ST18: variants seen among roughly 807,000 people sequenced by gnomAD.
ST18 encodes the protein ST18 C2H2C-type zinc finger transcription factor, also known as suppression of tumorigenicity 18 protein.
ST18 carries 50 observed loss-of-function variants against 110.0 expected under a neutral mutation model. The observed-to-expected ratio is 0.45, with a 90% confidence interval of 0.36 to 0.58. ST18 has a LOEUF of 0.58. ST18 is among the 20% of genes least tolerant of loss of function. ST18 has a pLI of 0.00. For missense variants in ST18, 1,306 were observed against 1,280.1 expected, an observed-to-expected ratio of 1.02 and a Z score of -0.31; for synonymous variants, 461 against 452.4, an observed-to-expected ratio of 1.02 and a Z score of -0.24.
rs958189661 is a variant in ST18, at chr8:52,175,984, G to A, written c.278-3401C>T. 3.9e-5 allele frequency among the ~76,000 whole-genome samples: 6 copies of A among 152,034 alleles called. No individual in the cohort carries two copies. The South Asian group carries it at 1.2e-3, about 32-fold the overall frequency. The stretch of plus-strand genomic sequence containing the variant: ...TTCTCAAGTTCGGATATTTTCAAGA[G>A]TGAATTTATATGAAGTTACTAGAAT... On this transcript the variant is annotated intron_variant, in intron 9 of 25. Transcript: ENST00000689386.
intron 8 of ST18, among the ~76,000 whole-genome samples, chr8:52,207,608 T>C (rs1488807403): frequency 1.3e-5 from 2 of 152,142 alleles, no homozygotes; most frequent in African/African-American, 4.8e-5. Context: ...TTATATAAAG[T>C]AAGAAATTAT....
chr8:52,270,217 T>G (rs528610150), intron 2 of ST18, among the ~76,000 whole-genome samples: 2 of 152,238 alleles, frequency 1.3e-5, no homozygotes, highest in Non-Finnish European at 2.9e-5. Context: ...TTAACTTCAC[T>G]TAACCTCATA....
At chr8:52,150,841 C>T (rs2058635108) in intron 15 of ST18, 1 of 152,136 alleles carries the variant, frequency 6.6e-6, no homozygotes, top group Non-Finnish European at 1.5e-5. Flanking sequence ...GGAACAGTAC[C>T]CCATTCTGTA....
In ST18 at chr8:52,122,853, G is replaced by T. The variant is rs140124531; in HGVS notation, c.2755+3199C>A. On this transcript the variant is annotated intron_variant, in intron 23 of 25. Transcript: ENST00000689386. ...TATTTTTTTTTATTTAGGGGAAAAT[G>T]AGTTAATGTAAATTTGGCTATTTAG... Among the ~76,000 whole-genome samples, 699 of 152,032 alleles carry T rather than the reference G, an allele frequency of 4.6e-3. 9 individuals carry two copies. Among genetic ancestry groups the T allele is most frequent in the African/African-American group, 0.016 (648 of 41,492 alleles).
At chr8:52,185,700 C>T (rs552422793) in intron 8 of ST18, among the ~76,000 whole-genome samples, 17 of 152,122 alleles carry the variant, frequency 1.1e-4, no homozygotes, top group South Asian at 8.3e-4. Flanking sequence ...GTGAACAGTG[C>T]TCGATTAATT....
intron 10 of ST18, among the ~76,000 whole-genome samples, chr8:52,168,660 A>T (rs1303351482): frequency 6.6e-6 from 1 of 152,204 alleles, no homozygotes. Flanking sequence ...GGCTGCGGCC[A>T]GCAGCAGGCA....
chr8:52,383,694 G>C (rs910176288), intron 2 of ST18, among the ~76,000 whole-genome samples: 1 of 152,098 alleles, frequency 6.6e-6, no homozygotes, highest in Admixed American at 6.6e-5. Context: ...TGATCCACCC[G>C]CCTTGGCTTC....
intron 2 of ST18, among the ~76,000 whole-genome samples, chr8:52,376,900 T>C (rs1276447359): frequency 1.3e-5 from 2 of 152,188 alleles, no homozygotes; most frequent in East Asian, 3.9e-4. Context: ...CTTTGATGGG[T>C]CCAAGATTTT....
chr8:52,183,493 T>C (rs946370530), intron 8 of ST18, among the ~76,000 whole-genome samples: 3 of 152,236 alleles, frequency 2.0e-5, no homozygotes, highest in African/African-American at 7.2e-5. Flanking sequence ...TAGCTTATAA[T>C]AAGCTATTGT....
chr8:52,220,405 A>T (rs943741832), intron 5 of ST18, among the ~76,000 whole-genome samples: 1 of 152,222 alleles, frequency 6.6e-6, no homozygotes. Context: ...ATCCATAAAC[A>T]AACTAATTTC....
intron 2 of ST18, among the ~76,000 whole-genome samples, chr8:52,264,046 G>A (rs528358935): frequency 8.5e-5 from 13 of 152,104 alleles, no homozygotes; most frequent in South Asian, 6.2e-4. Flanking sequence ...TGACCTGCCC[G>A]CCTTGGCCTC....
chr8:52,284,581 G>C (rs758356047), intron 2 of ST18, among the ~76,000 whole-genome samples: 6 of 152,066 alleles, frequency 3.9e-5, no homozygotes, highest in Non-Finnish European at 8.8e-5. Flanking sequence ...GGTGGAGCTG[G>C]GAGAGGAAAA....
Position 52,221,626 on chromosome 8 carries a change from C to T in ST18, c.-265+14G>A, listed in dbSNP as rs1255739046. ...GTCTGGCAGTTCTGATGTTTTAAAA[C>T]ACAAGCCACCAACCTTTCTTGCAGA... On this transcript the variant is annotated intron_variant, in intron 4 of 25. Transcript: ENST00000689386. 6.6e-6 allele frequency: 1 copy of T among 152,212 alleles called. No individual in the cohort carries two copies. Among genetic ancestry groups the T allele is most frequent in the African/African-American group, 2.4e-5 (1 of 41,454 alleles). 9.4% of individuals were successfully genotyped at this position (152,212 alleles called of 1,614,324 possible).
intron 2 of ST18, among the ~76,000 whole-genome samples, chr8:52,336,507 C>G (rs1340255966): frequency 6.6e-6 from 1 of 152,122 alleles, no homozygotes; most frequent in African/African-American, 2.4e-5. Flanking sequence ...ATCTCAGGAG[C>G]CAGGTCTACA....
chr8:52,375,511 C>T (rs1831991762), intron 2 of ST18, among the ~76,000 whole-genome samples: 1 of 152,152 alleles, frequency 6.6e-6, no homozygotes, highest in Non-Finnish European at 1.5e-5. Flanking sequence ...TTCAGGACAA[C>T]ACACTCTGTT....
intron 8 of ST18, among the ~76,000 whole-genome samples, chr8:52,183,058 T>C (rs2070495128): frequency 6.6e-6 from 1 of 152,186 alleles, no homozygotes; most frequent in Non-Finnish European, 1.5e-5. Context: ...GGGGCCAATA[T>C]TTGAATCCAA....
At chr8:52,231,726 C>T (rs75682628) in intron 2 of ST18, among the ~76,000 whole-genome samples, 1 of 152,182 alleles carries the variant, frequency 6.6e-6, no homozygotes, top group South Asian at 2.1e-4. Flanking sequence ...CCGCCAGCCG[C>T]GGCCTCCCAA....
At chr8:52,377,073 A>G (rs943072108) in intron 2 of ST18, among the ~76,000 whole-genome samples, 12 of 152,240 alleles carry the variant, frequency 7.9e-5, no homozygotes, top group African/African-American at 2.2e-4. Flanking sequence ...AGGTAGATCA[A>G]GGGAGCACCA....
chr8:52,172,704 T>C (rs1031404458), intron 9 of ST18, 121 bp from the exon 10 acceptor site: 4 of 660,622 alleles, frequency 6.1e-6, no homozygotes, highest in Non-Finnish European at 9.9e-6. Flanking sequence ...CACATACATA[T>C]ATGTACACAT....
Sources: gnomAD v4.1 joint callset for allele counts (sites outside exome capture counted in the v4.1 genomes callset) on GRCh38, gnomAD v4.1.1 for gene constraint, MANE v1.5 for transcripts, NCBI Gene and HGNC (gene_info 2026-07-23, HGNC 2026-07-21) for gene names.